Variants in MSL1 observed in about 807,000 individuals in gnomAD.
MSL1 encodes the protein male-specific lethal 1 homolog.
Under a neutral mutation model 64.6 loss-of-function variants are expected in MSL1, and 21 were observed. That is an observed-to-expected ratio of 0.33 (90% CI 0.23 to 0.47). MSL1 has a LOEUF of 0.47. Among genes scored for constraint, MSL1 ranks in the 20% least tolerant of loss-of-function variants. The pLI is 1.00. For missense variants in MSL1, 664 were observed against 793.2 expected (o/e 0.84, Z 1.96); for synonymous variants, 339 against 329.6 (o/e 1.03, Z -0.31).
Position 40,131,391 on chromosome 17 carries a change from C to A in MSL1, c.1376-146C>A. On this transcript the variant is annotated intron_variant, in intron 3 of 8. Coordinates refer to ENST00000398532, the MANE Select transcript of MSL1 (RefSeq NM_001365919.1). The surrounding 1 kb of genome is among the most constrained non-coding windows in gnomAD (Gnocchi z 4.5). ...TTTGTCTGTTGTTCCCTCTTCCCCTCCCCCAGAGAGAAATTCTCAAAAGAA... is the reference window on the plus strand; with the variant it reads ...TTTGTCTGTTGTTCCCTCTTCCCCTACCCCAGAGAGAAATTCTCAAAAGAA... The A allele has an allele frequency of 3.1e-6, 2 of 654,836 alleles. No homozygotes were observed. The highest frequency in any genetic ancestry group is 2.6e-5 in the East Asian group (1 of 37,752). The allele number at this position is 654,836 out of a possible 1,614,324, so 40.6% of individuals were successfully genotyped here. A position where few individuals can be genotyped will look rare whatever the true frequency, so the allele number is the denominator to read the frequency against.
rs748650610 is a variant in MSL1 at position 40,133,918 on chromosome 17, T to C, written c.1754+19T>C. On this transcript the variant is annotated intron_variant, in intron 8 of 8. Coordinates refer to ENST00000398532, the MANE Select transcript of MSL1 (RefSeq NM_001365919.1). Reference sequence around the variant, plus strand: ...CTCCACAGTAAGTATACATTTTTTTTCTCCCCTTCCAGGTAACCTGCACAT... The same window carrying C: ...CTCCACAGTAAGTATACATTTTTTTCCTCCCCTTCCAGGTAACCTGCACAT... 2.5e-6 allele frequency: 4 copies of C among 1,605,632 alleles called. No homozygotes were observed. Among genetic ancestry groups the C allele is most frequent in the Admixed American group, 1.7e-5 (1 of 60,004 alleles).
Position 40,122,541 on chromosome 17 carries a change from C to A in MSL1, c.-72C>A. The A allele has an allele frequency of 1.1e-6, 1 of 922,302 alleles. No individual in the cohort carries two copies. The highest frequency in any genetic ancestry group is 1.5e-6 in the Non-Finnish European group (1 of 669,108). The allele number at this position is 922,302 out of a possible 1,614,324, so 57.1% of individuals were successfully genotyped here. On this transcript the variant is annotated 5_prime_UTR_variant, in exon 1 of 9. Coordinates refer to ENST00000398532, the MANE Select transcript of MSL1 (RefSeq NM_001365919.1). This position sits in a 1 kb window ranked among gnomAD's most constrained non-coding sequence, Gnocchi z 4.2. Reference sequence around the variant, plus strand: ...CAAACTCCCCTCCCCCCCCTCAGTCCTCGACCCCCCGCACCTCGCCCCTTC... The same window carrying A: ...CAAACTCCCCTCCCCCCCCTCAGTCATCGACCCCCCGCACCTCGCCCCTTC...
At chr17:40,129,114 C>A in intron 2 of MSL1, 131 bp from the exon 3 acceptor site, 1 of 728,324 alleles carries the variant, frequency 1.4e-6, no homozygotes, top group South Asian at 2.1e-5. Context: ...GAGCACCAGA[C>A]ATTTAGGTAC....
In MSL1 at chr17:40,122,561, C is replaced by A. The variant is rs1988204233; in HGVS notation, c.-52C>A. 7 of 1,336,956 alleles carry A rather than the reference C, an allele frequency of 5.2e-6. No homozygotes were observed. The highest frequency in any genetic ancestry group is 6.8e-6 in the Non-Finnish European group (7 of 1,036,412). The allele number at this position is 1,336,956 out of a possible 1,614,324, so 82.8% of individuals were successfully genotyped here. On this transcript the variant is annotated 5_prime_UTR_variant, in exon 1 of 9. Transcript: ENST00000398532. The surrounding 1 kb of genome is among the most constrained non-coding windows in gnomAD (Gnocchi z 4.2). Reference sequence around the variant, plus strand: ...CAGTCCTCGACCCCCCGCACCTCGCCCCTTCCCCACCCCCTCCTCCGCCTC... The same window carrying A: ...CAGTCCTCGACCCCCCGCACCTCGCACCTTCCCCACCCCCTCCTCCGCCTC...
intron 3 of MSL1, 146 bp downstream of exon 3, chr17:40,129,773 C>T: frequency 1.2e-6 from 1 of 850,828 alleles, no homozygotes; most frequent in African/African-American, 1.7e-5. Context: ...CAGAGACAGA[C>T]ACTGTGCAGG....
At position 40,122,997 on chromosome 17, in the gene MSL1, C is replaced by G. The variant is rs1226003333; in HGVS notation, c.385C>G (p.Pro129Ala). The G allele has an allele frequency of 2.0e-6, 3 of 1,529,716 alleles. No individual in the cohort carries two copies. The highest frequency in any genetic ancestry group is 5.0e-5 in the East Asian group (2 of 39,896). 94.8% of individuals were successfully genotyped at this position (1,529,716 alleles called of 1,614,324 possible). Residue 129 changes from proline to alanine, a missense_variant, in exon 1 of 9, where the codon CCC becomes GCC. This residue lies in a region of MSL1 where 466 missense variants were observed against 499.0 expected (regional missense o/e 0.93). Coordinates refer to ENST00000398532, the MANE Select transcript of MSL1 (RefSeq NM_001365919.1). This position sits in a 1 kb window ranked among gnomAD's most constrained non-coding sequence, Gnocchi z 4.2. ...AGCCGGAGCCGGCTGCAGCCCCCGG[C>G]CCAAGTATCAGGCGGTGCTGCCCAT... ...AAAGAGCSPRPKYQAVLPIQT... is the reference protein window; with the variant it reads ...AAAGAGCSPRAKYQAVLPIQT...
rs1453295262 is a variant in MSL1, at chr17:40,134,689, G to T, written c.*320G>T. ...TTGCCTATGTTAAAGGGGTAAAAGG[G>T]CTCTCTTCATTAGACATGTGGAAGA... On this transcript the variant is annotated 3_prime_UTR_variant, in exon 9 of 9. Coordinates refer to ENST00000398532, the MANE Select transcript of MSL1 (RefSeq NM_001365919.1). 3.5e-6 allele frequency: 1 copy of T among 284,890 alleles called. No individual in the cohort carries two copies. Among genetic ancestry groups the T allele is most frequent in the Admixed American group, 4.7e-5 (1 of 21,090 alleles). The allele number at this position is 284,890 out of a possible 1,614,324, so 17.6% of individuals were successfully genotyped here. A position where few individuals can be genotyped will look rare whatever the true frequency, so the allele number is the denominator to read the frequency against.
At position 40,135,733 on chromosome 17, in the gene MSL1, T is replaced by G. The variant is rs1247014275; in HGVS notation, c.*1364T>G. On this transcript the variant is annotated 3_prime_UTR_variant, in exon 9 of 9. Transcript: ENST00000398532. ...CTCAGGGGCCTCCCACTGCTAAAGTTTTTTGTGAGATGTTGATCTGTGCTT... is the reference window on the plus strand; with the variant it reads ...CTCAGGGGCCTCCCACTGCTAAAGTGTTTTGTGAGATGTTGATCTGTGCTT... The G allele has an allele frequency of 1.3e-5, 2 of 152,276 alleles. No homozygotes were observed. The highest frequency in any genetic ancestry group is 2.9e-5 in the Non-Finnish European group (2 of 68,022). The allele number at this position is 152,276 out of a possible 1,614,324, so 9.4% of individuals were successfully genotyped here.
chr17:40,133,923 C>T (rs1310764026), intron 8 of MSL1, 24 bp downstream of exon 8: 1 of 1,596,020 alleles, frequency 6.3e-7, no homozygotes, highest in Admixed American at 1.7e-5. Context: ...TTTTTTCTCC[C>T]CTTCCAGGTA....
In MSL1 at chr17:40,133,603, A is replaced by G; in HGVS notation, c.1626A>G (p.Lys542=). The G allele has an allele frequency of 6.2e-7, 1 of 1,613,316 alleles. No individual in the cohort carries two copies. The highest frequency in any genetic ancestry group is 8.5e-7 in the Non-Finnish European group (1 of 1,179,570). ...TGCAGCTCAGAATGTATAAAAAGAA[A>G]GGAATTCAGGAATCTGAGCCTGAGG... ...QRLQLRMYKK[K]GIQESEPEVT... Residue 542 remains lysine, a synonymous_variant, in exon 7 of 9, where the codon AAA becomes AAG. Transcript: ENST00000398532.
chr17:40,122,442 G>T lies in MSL1; in HGVS notation c.-171G>T. On this transcript the variant is annotated 5_prime_UTR_variant, in exon 1 of 9. Coordinates refer to ENST00000398532, the MANE Select transcript of MSL1 (RefSeq NM_001365919.1). The surrounding 1 kb of genome is among the most constrained non-coding windows in gnomAD (Gnocchi z 4.2). The stretch of plus-strand genomic sequence containing the variant: ...CGCGGCCTCCACGTCTCCGCACGCC[G>T]GCGGGATGGCGCCCGGGCCCCGGAG... 2.3e-6 allele frequency: 1 copy of T among 428,992 alleles called. No homozygotes were observed. The highest frequency in any genetic ancestry group is 8.0e-5 in the South Asian group (1 of 12,566). The allele number at this position is 428,992 out of a possible 1,614,324, so 26.6% of individuals were successfully genotyped here.
intron 6 of MSL1, 60 bp from the exon 7 acceptor site, chr17:40,133,474 C>T (rs1988480783): frequency 3.9e-6 from 6 of 1,555,066 alleles, no homozygotes; most frequent in East Asian, 2.3e-5. Flanking sequence ...TTTTATAGAG[C>T]AGGTTTTGGG....
At chr17:40,125,619 T>C (rs1464599870) in intron 1 of MSL1, among the ~76,000 whole-genome samples, 3 of 152,160 alleles carry the variant, frequency 2.0e-5, no homozygotes, top group Non-Finnish European at 4.4e-5. Flanking sequence ...GAGACCATCC[T>C]GGCCAACATG....
At position 40,133,803 on chromosome 17, in the gene MSL1, C is replaced by G. The variant is rs766983487; in HGVS notation, c.1682-24C>G. 6.8e-6 allele frequency: 11 copies of G among 1,612,864 alleles called. No homozygotes were observed. The South Asian group carries it at 1.2e-4, about 18-fold the overall frequency. On this transcript the variant is annotated intron_variant, in intron 7 of 8. Coordinates refer to ENST00000398532, the MANE Select transcript of MSL1 (RefSeq NM_001365919.1). ...ATTTCCCATCTGTATTACTAATACGCTCCCGTTTGACTTTCTCCCATAGTT... is the reference window on the plus strand; with the variant it reads ...ATTTCCCATCTGTATTACTAATACGGTCCCGTTTGACTTTCTCCCATAGTT...
Position 40,131,420 on chromosome 17 carries a change from C to T in MSL1, c.1376-117C>T. 1 of 867,628 alleles carries T rather than the reference C, an allele frequency of 1.2e-6. No individual in the cohort carries two copies. The highest frequency in any genetic ancestry group is 1.9e-6 in the Non-Finnish European group (1 of 535,202). The allele number at this position is 867,628 out of a possible 1,614,324, so 53.7% of individuals were successfully genotyped here. ...CAGAGAGAAATTCTCAAAAGAACAA[C>T]TCAAAAAACAAAATGGCTTCCTAGT... On this transcript the variant is annotated intron_variant, in intron 3 of 8. Transcript: ENST00000398532. This position sits in a 1 kb window ranked among gnomAD's most constrained non-coding sequence, Gnocchi z 4.5.
chr17:40,134,971 CAT>C lies in MSL1; in HGVS notation c.*603_*604del, dbSNP rs1279448580. 6.6e-6 allele frequency: 1 copy of C among 152,332 alleles called. No homozygotes were observed. The highest frequency in any genetic ancestry group is 1.5e-5 in the Non-Finnish European group (1 of 68,058). 9.4% of individuals were successfully genotyped at this position (152,332 alleles called of 1,614,324 possible). A position where few individuals can be genotyped will look rare whatever the true frequency, so the allele number is the denominator to read the frequency against. ...ATTTGAAACTATTCTGTGATACAGT[CAT>C]GTGGGAAGGGATGTTTGGCTGTGAT... On this transcript the variant is annotated 3_prime_UTR_variant, in exon 9 of 9. Transcript: ENST00000398532.
At chr17:40,127,339 GAAA>G (rs66944924) in intron 2 of MSL1, among the ~76,000 whole-genome samples, 7 of 97,654 alleles carry the variant, frequency 7.2e-5, no homozygotes, top group Non-Finnish European at 8.6e-5. Flanking sequence ...TGTCTCAATT[GAAA>G]AAAAAAAAAA....
chr17:40,133,378 T>A, intron 6 of MSL1, 156 bp from the exon 7 acceptor site: 2 of 947,558 alleles, frequency 2.1e-6, no homozygotes, highest in Non-Finnish European at 3.1e-6. Flanking sequence ...CCTAAACAGC[T>A]CTCCCTTAAC....
chr17:40,130,296 T>C (rs770917984), intron 3 of MSL1: 1 of 152,206 alleles, frequency 6.6e-6, no homozygotes, highest in Non-Finnish European at 1.5e-5. Context: ...CTACAAACTA[T>C]TTTTCAAACA....
Sources: gnomAD v4.1 joint callset for allele counts (sites outside exome capture counted in the v4.1 genomes callset) on GRCh38, gnomAD v4.1.1 for gene constraint, gnomAD v4.1.1 regional missense constraint, Gnocchi (gnomAD v3.1) non-coding constraint, MANE v1.5 for transcripts, NCBI Gene and HGNC (gene_info 2026-07-23, HGNC 2026-07-21) for gene names.